The following C2CD3 variants were observed in gnomAD, a reference collection of about 807,000 sequenced individuals.
The protein encoded by C2CD3 is C2 domain-containing protein 3.
In C2CD3, 148 loss-of-function variants were observed where a neutral mutation model predicts 234.0. The ratio of observed to expected loss-of-function variants is 0.63; its 90% CI spans 0.55 to 0.72. The LOEUF is 0.72. Ranked by LOEUF, C2CD3 falls within the 30% of genes least tolerant of loss-of-function variation. The pLI is 0.00. For missense variants in C2CD3, 2,577 were observed against 2,811.5 expected (o/e 0.92, Z 1.89); for synonymous variants, 1,000 against 1,035.4 (o/e 0.97, Z 0.66).
intron 21 of C2CD3, 31 bp from the exon 22 acceptor site, chr11:74,085,001 T>G: frequency 7.8e-7 from 1 of 1,283,982 alleles, no homozygotes; most frequent in Non-Finnish European, 1.1e-6. Context: ...GAAAAATTAT[T>G]TGATGGTCTA....
chr11:74,090,017 T>C (rs1428363261), intron 20 of C2CD3, among the ~76,000 whole-genome samples: 4 of 151,864 alleles, frequency 2.6e-5, no homozygotes, highest in Admixed American at 1.3e-4. Flanking sequence ...TCTAGAGAAA[T>C]AGTGTTCCAG....
Position 74,168,521 on chromosome 11 carries a change from AT to A in C2CD3, c.147del (p.Trp50GlyfsTer14), listed in dbSNP as rs1476925661. On this transcript the variant is annotated frameshift_variant, in exon 2 of 33. Transcript: ENST00000334126. LOFTEE classifies it high-confidence loss of function. ...CFLKLTVNRV[I>X]WKIAKPPTCV... ...CAAGTGGGAGGCTTTGCAATCTTCC[AT>A]ATGACTCTATTAACAGTAAGTTTTA... The A allele has an allele frequency of 1.9e-6, 3 of 1,614,086 alleles. No homozygotes were observed. The African/African-American group carries it at 4.0e-5, about 22-fold the overall frequency.
chr11:74,096,761 T>A (rs1447027770), intron 16 of C2CD3, among the ~76,000 whole-genome samples: 1 of 152,166 alleles, frequency 6.6e-6, no homozygotes, highest in African/African-American at 2.4e-5. Flanking sequence ...TAAACAGACT[T>A]GGGGATATTA....
rs1239829579 is a variant in C2CD3 at position 74,161,520 on chromosome 11, A to G, written c.362T>C (p.Leu121Pro). The G allele has an allele frequency of 6.3e-7, 1 of 1,590,808 alleles. No homozygotes were observed. Residue 121 changes from leucine (L) to proline (P), a missense_variant, in exon 3 of 33, where the codon CTT becomes CCT. Leu to Pro is a moderately conservative substitution (Grantham distance 98). Coordinates refer to ENST00000334126, the MANE Select transcript of C2CD3 (RefSeq NM_001286577.2). ...AACTCTACCAATTGGAAGACCATCA[A>G]GTTTGGTGATTACTTCCAGCACCAG... ...AVLVLEVITK[L>P]DGLPIGRVQI...
At position 74,103,266 on chromosome 11, in the gene C2CD3, T is replaced by C. The variant is rs762948379; in HGVS notation, c.2445A>G (p.Lys815=). 5 of 1,614,204 alleles carry C rather than the reference T, an allele frequency of 3.1e-6. No individual in the cohort carries two copies. The highest frequency in any genetic ancestry group is 1.7e-5 in the Admixed American group (1 of 60,024). Residue 815 remains lysine (K), a synonymous_variant, in exon 14 of 33, where the codon AAA becomes AAG. Transcript: ENST00000334126. The stretch of plus-strand genomic sequence containing the variant: ...TCTCAGATTCTCCACTAATAAAATC[T>C]TTCCCATCTGGCACCATCAACAGCA... ...LHVLLMVPDG[K]DFISGESEKQ...
At chr11:74,063,166 C>T (rs1223987500) in intron 24 of C2CD3, among the ~76,000 whole-genome samples, 2 of 152,120 alleles carry the variant, frequency 1.3e-5, no homozygotes, top group Non-Finnish European at 2.9e-5. Flanking sequence ...ACATCCAGGA[C>T]CAGATGGATT....
intron 3 of C2CD3, among the ~76,000 whole-genome samples, chr11:74,153,844 CA>C (rs2135560646): frequency 6.6e-6 from 1 of 151,942 alleles, no homozygotes; most frequent in East Asian, 1.9e-4. Flanking sequence ...TTCTAATCTG[CA>C]ACAAGAATTC....
chr11:74,086,589 G>T (rs1469864789), intron 20 of C2CD3, among the ~76,000 whole-genome samples: 1 of 152,152 alleles, frequency 6.6e-6, no homozygotes, highest in Non-Finnish European at 1.5e-5. Flanking sequence ...ATTACTTATG[G>T]TCAACAAGAA....
intron 9 of C2CD3, 97 bp downstream of exon 9, chr11:74,118,131 G>C: frequency 1.2e-6 from 1 of 827,346 alleles, no homozygotes; most frequent in Middle Eastern, 2.7e-4. Context: ...TAATCACTCT[G>C]ATGGTGCTGG....
At chr11:74,031,385 C>T (rs959861629) in intron 31 of C2CD3, among the ~76,000 whole-genome samples, 1 of 152,224 alleles carries the variant, frequency 6.6e-6, no homozygotes, top group Admixed American at 6.5e-5. Flanking sequence ...CTACTGCCCA[C>T]AGGCAGCCTC....
intron 22 of C2CD3, among the ~76,000 whole-genome samples, chr11:74,079,094 G>T (rs1284447494): frequency 6.7e-5 from 8 of 119,338 alleles, no homozygotes; most frequent in Non-Finnish European, 1.0e-4. Context: ...CTTTGAGAGA[G>T]AAGTGCTTTA....
At chr11:74,089,785 A>G (rs906054462) in intron 20 of C2CD3, among the ~76,000 whole-genome samples, 1 of 152,236 alleles carries the variant, frequency 6.6e-6, no homozygotes, top group African/African-American at 2.4e-5. Flanking sequence ...ATGTATGCCA[A>G]TAATTGAAAC....
chr11:74,106,831 A>G (rs921409028), intron 12 of C2CD3, among the ~76,000 whole-genome samples: 2 of 152,222 alleles, frequency 1.3e-5, no homozygotes, highest in Non-Finnish European at 2.9e-5. Context: ...TTGCTATTAA[A>G]ACTAGGGAAA....
At chr11:74,131,829 C>A (rs889545005) in intron 7 of C2CD3, among the ~76,000 whole-genome samples, 6 of 152,176 alleles carry the variant, frequency 3.9e-5, no homozygotes, top group African/African-American at 1.4e-4. Flanking sequence ...ACCTTGGCCT[C>A]CCAAAGTGCT....
At chr11:74,038,856 T>C (rs1056068901) in intron 29 of C2CD3, among the ~76,000 whole-genome samples, 1 of 152,258 alleles carries the variant, frequency 6.6e-6, no homozygotes, top group Non-Finnish European at 1.5e-5. Flanking sequence ...CGTCTCAGAA[T>C]AGAAGATATA....
intron 3 of C2CD3, among the ~76,000 whole-genome samples, chr11:74,144,588 ACCTCTC>A (rs1315097187): frequency 2.6e-5 from 4 of 151,562 alleles, no homozygotes; most frequent in Non-Finnish European, 5.9e-5. Context: ...TTTGTTCTGA[ACCTCTC>A]CCTCTTCCCA....
At chr11:74,160,627 G>T (rs1379108139) in intron 3 of C2CD3, among the ~76,000 whole-genome samples, 1 of 152,008 alleles carries the variant, frequency 6.6e-6, no homozygotes, top group East Asian at 1.9e-4. Context: ...TTGGTCAATG[G>T]GTACTATCGT....
intron 12 of C2CD3, 34 bp from the exon 13 acceptor site, chr11:74,106,527 TTAA>T: frequency 6.2e-7 from 1 of 1,603,746 alleles, no homozygotes; most frequent in South Asian, 1.1e-5. Context: ...TTTAGATTAA[TTAA>T]AGAGAAGCCA....
intron 24 of C2CD3, among the ~76,000 whole-genome samples, chr11:74,062,689 A>G (rs1031373877): frequency 3.9e-5 from 6 of 152,112 alleles, no homozygotes; most frequent in African/African-American, 1.5e-4. Flanking sequence ...TCTAAAATTG[A>G]CACCCTAACA....
Sources: gnomAD v4.1 joint callset for allele counts (sites outside exome capture counted in the v4.1 genomes callset) on GRCh38, gnomAD v4.1.1 for gene constraint, MANE v1.5 for transcripts, NCBI Gene and HGNC (gene_info 2026-07-23, HGNC 2026-07-21) for gene names.